Variants in NTRK1 observed in about 807,000 individuals in gnomAD.
NTRK1 encodes the protein high affinity nerve growth factor receptor.
A neutral mutation model predicts 86.8 loss-of-function variants in NTRK1; 62 were observed. That is an observed-to-expected ratio of 0.71 (90% CI 0.58 to 0.88). The LOEUF (loss-of-function observed/expected upper bound fraction) is 0.88. Among genes scored for constraint, NTRK1 ranks in the 40% least tolerant of loss-of-function variants. The pLI is 0.00. For synonymous variants in NTRK1, 469 were observed against 456.6 expected (o/e 1.03, Z -0.35); for missense variants, 967 against 1,078.4 (o/e 0.90, Z 1.45).
At chr1:156,879,943 C>A (rs2102926724) in intron 15 of NTRK1, 56 bp from the exon 16 acceptor site, 1 of 1,603,284 alleles carries the variant, frequency 6.2e-7, no homozygotes, top group Non-Finnish European at 8.5e-7. Context: ...GTAGGCTGTG[C>A]CTTGACGGGC....
At chr1:156,848,314 A>C (rs1655081568) in intron 2 of NTRK1, among the ~76,000 whole-genome samples, 1 of 152,228 alleles carries the variant, frequency 6.6e-6, no homozygotes, top group Non-Finnish European at 1.5e-5. Flanking sequence ...CCAGAGAGAG[A>C]GAGCATGAAC....
At chr1:156,821,615 G>A (rs150965255) in intron 1 of NTRK1, among the ~76,000 whole-genome samples, 56 of 152,242 alleles carry the variant, frequency 3.7e-4, no homozygotes, top group African/African-American at 1.3e-3. Context: ...GAGTGGTGAG[G>A]AAAGGAGAAG....
At chr1:156,869,024 C>G (rs1447111457) in intron 6 of NTRK1, among the ~76,000 whole-genome samples, 1 of 38,956 alleles carries the variant, frequency 2.6e-5, no homozygotes, top group African/African-American at 8.1e-5. Context: ...CTCTCCCTTC[C>G]TTCCTTCCTT....
intron 3 of NTRK1, 152 bp from the exon 4 acceptor site, chr1:156,866,758 C>T (rs1016583227): frequency 6.9e-5 from 48 of 698,454 alleles, no homozygotes; most frequent in Non-Finnish European, 1.2e-4. Context: ...ACCATCTACA[C>T]ACACTGCCTT....
intron 6 of NTRK1, among the ~76,000 whole-genome samples, chr1:156,869,290 C>T (rs185504409): frequency 1.3e-4 from 20 of 152,124 alleles, no homozygotes; most frequent in East Asian, 9.7e-4. Flanking sequence ...ACGTTGGCCA[C>T]GCTGGTCTCA....
chr1:156,845,214 C>G (rs897450558), intron 2 of NTRK1: 1 of 1,609,646 alleles, frequency 6.2e-7, no homozygotes, highest in South Asian at 1.1e-5. Flanking sequence ...TCACGGGGCA[C>G]CTTGTCCTCC....
At chr1:156,876,331 G>A (rs1647904142) in intron 13 of NTRK1, 69 bp from the exon 14 acceptor site, 2 of 1,609,606 alleles carry the variant, frequency 1.2e-6, no homozygotes, top group East Asian at 2.2e-5. Context: ...GGGTGGGCGG[G>A]CTGCCCTGGG....
In NTRK1 at chr1:156,851,552, G is replaced by A. The variant is rs1049447457; in HGVS notation, c.50+9359G>A. Reference sequence around the variant, plus strand: ...CCTCAGGACTGGGACCCAGGATGATGGAAAATTGTGCTGAGTTGGGTCATT... The same window carrying A: ...CCTCAGGACTGGGACCCAGGATGATAGAAAATTGTGCTGAGTTGGGTCATT... On this transcript the variant is annotated intron_variant, in intron 2 of 16. Transcript: ENST00000392302. 5 of 1,607,578 alleles carry A rather than the reference G, an allele frequency of 3.1e-6. No homozygotes were observed. In the East Asian group the frequency reaches 1.1e-4, roughly 36 times the overall value.
At chr1:156,840,006 T>C (rs1654715375) in intron 1 of NTRK1, 1 of 151,958 alleles carries the variant, frequency 6.6e-6, no homozygotes, top group Non-Finnish European at 1.5e-5. Context: ...AGAAAGGAAG[T>C]TCATCCAGTG....
At chr1:156,872,746 G>A (rs1233100129) in intron 7 of NTRK1, among the ~76,000 whole-genome samples, 2 of 150,868 alleles carry the variant, frequency 1.3e-5, no homozygotes, top group Non-Finnish European at 2.9e-5. Context: ...CGCGCTCTCG[G>A]CTCACTTCAA....
At chr1:156,873,448 T>C (rs1393459675) in intron 7 of NTRK1, among the ~76,000 whole-genome samples, 185 bp from the exon 8 acceptor site, 3 of 149,246 alleles carry the variant, frequency 2.0e-5, no homozygotes, top group East Asian at 3.9e-4. Flanking sequence ...TTATTTAAAA[T>C]GTATTGTCAA....
At chr1:156,851,209 G>T in intron 2 of NTRK1, 1 of 1,553,776 alleles carries the variant, frequency 6.4e-7, no homozygotes, top group South Asian at 1.1e-5. Context: ...TGGTTCCAGA[G>T]CCCATTCTCT....
At position 156,851,158 on chromosome 1, in the gene NTRK1, G is replaced by C. The variant is rs539180185; in HGVS notation, c.50+8965G>C. 118 of 930,156 alleles carry C rather than the reference G, an allele frequency of 1.3e-4. 1 individual carries two copies. The South Asian group carries it at 1.5e-3, about 12-fold the overall frequency. The allele number at this position is 930,156 out of a possible 1,614,324, so 57.6% of individuals were successfully genotyped here. Reference sequence around the variant, plus strand: ...GATGAGAAAACTGAAGACCAGAGAAGTTAACCTACTTAGAGTCACACGCCT... The same window carrying C: ...GATGAGAAAACTGAAGACCAGAGAACTTAACCTACTTAGAGTCACACGCCT... On this transcript the variant is annotated intron_variant, in intron 2 of 16. Coordinates refer to the NTRK1 transcript ENST00000392302.
chr1:156,816,652 A>G, intron 1 of NTRK1: 3 of 1,599,622 alleles, frequency 1.9e-6, no homozygotes, highest in South Asian at 1.1e-5. Context: ...CCTCCCACCC[A>G]TATCCTTCAA....
At position 156,854,204 on chromosome 1, in the gene NTRK1, G is replaced by A. The variant is rs767221765; in HGVS notation, c.51-10150G>A. ...GCCGCGGAAGTCCTCCCCGGTGGCT[G>A]TGAACATGAGCAGGATCTGCAGGTG... On this transcript the variant is annotated intron_variant, in intron 2 of 16. Transcript: ENST00000392302. The surrounding 1 kb of genome is among the most constrained non-coding windows in gnomAD (Gnocchi z 4.2). 4.7e-5 allele frequency: 76 copies of A among 1,613,950 alleles called. No individual in the cohort carries two copies. Among genetic ancestry groups the A allele is most frequent in the Non-Finnish European group, 6.4e-5 (75 of 1,180,020 alleles).
chr1:156,828,208 A>G (rs918419909), intron 1 of NTRK1, among the ~76,000 whole-genome samples: 1 of 152,230 alleles, frequency 6.6e-6, no homozygotes, highest in Non-Finnish European at 1.5e-5. Flanking sequence ...GGTTTTTAAT[A>G]TATTATAGAA....
intron 1 of NTRK1, chr1:156,840,565 G>A (rs558552257): frequency 7.4e-6 from 3 of 407,200 alleles, no homozygotes; most frequent in South Asian, 2.8e-5. Flanking sequence ...TAGGGTGGGC[G>A]GGCCCCCTCT....
At chr1:156,847,615 G>A (rs1239508988) in intron 2 of NTRK1, among the ~76,000 whole-genome samples, 3 of 152,138 alleles carry the variant, frequency 2.0e-5, no homozygotes, top group East Asian at 1.9e-4. Context: ...GTGGCCCAGC[G>A]GGAAGTGCCT....
chr1:156,879,847 G>A (rs762066102), intron 15 of NTRK1, 152 bp from the exon 16 acceptor site: 49 of 874,318 alleles, frequency 5.6e-5, no homozygotes, highest in Non-Finnish European at 8.3e-5. Flanking sequence ...CTGACCTCGT[G>A]ATTGCCCACC....
Sources: allele counts gnomAD v4.1 joint callset (sites outside exome capture counted in the v4.1 genomes callset), GRCh38; gene constraint gnomAD v4.1.1; non-coding constraint Gnocchi (gnomAD v3.1); transcripts MANE v1.5; gene names NCBI Gene and HGNC (gene_info 2026-07-23, HGNC 2026-07-21).